The following SI variants were observed in gnomAD, a reference collection of about 807,000 sequenced individuals.
SI encodes sucrase-isomaltase, intestinal.
SI carries 235 observed loss-of-function variants against 253.3 expected under a neutral mutation model. That is an observed-to-expected ratio of 0.93 (90% CI 0.83 to 1.03). The LOEUF (loss-of-function observed/expected upper bound fraction) is 1.03, where lower values mean the gene tolerates loss of function less well. SI is among the 50% of genes least tolerant of loss of function. The pLI is 0.00. For synonymous variants in SI, 819 were observed against 712.0 expected (o/e 1.15, Z -2.39); for missense variants, 2,442 against 2,211.1 (o/e 1.10, Z -2.09).
rs574291071 is a variant in SI at position 165,062,627 on chromosome 3, G to T, written c.908-144C>A. ...ATTAAGAAATAATGAAATATTGAAT[G>T]CAGGAATAACATAGGAAAAAAGTAA... On this transcript the variant is annotated intron_variant, in intron 8 of 47. Transcript: ENST00000264382. The T allele has an allele frequency of 5.7e-4, 332 of 587,518 alleles. 11 individuals carry two copies. In the South Asian group the frequency reaches 6.9e-3, roughly 12 times the overall value. The allele number at this position is 587,518 out of a possible 1,614,324, so 36.4% of individuals were successfully genotyped here.
intron 1 of SI, 49 bp from the exon 2 acceptor site, chr3:165,076,061 A>G: frequency 8.0e-7 from 1 of 1,244,224 alleles, no homozygotes; most frequent in East Asian, 2.6e-5. Context: ...ATATAACTAT[A>G]ATAAACCACC....
chr3:165,055,857 A>C (rs993630615), intron 12 of SI, among the ~76,000 whole-genome samples: 1 of 152,122 alleles, frequency 6.6e-6, no homozygotes, highest in Admixed American at 6.6e-5. Context: ...TGAGGTAGGT[A>C]CTGTAATTAA....
In SI at chr3:165,059,226, C is replaced by T; in HGVS notation, c.1220G>A (p.Gly407Glu). ...DFTYDQVAFN[G>E]LPQFVQDLHD... is the part of the protein sequence containing the mutation. ...CAAATCTTGCACAAATTGAGGGAGT[C>T]CGTTAAACGCAACTTGATCATAAGT... Residue 407 changes from glycine to glutamate, a missense_variant, in exon 11 of 48, where the codon GGA becomes GAA. By Grantham distance (98) the Gly-to-Glu change is moderately conservative (BLOSUM62 -2). Coordinates refer to ENST00000264382, the MANE Select transcript of SI (RefSeq NM_001041.4). The T allele has an allele frequency of 6.2e-7, 1 of 1,612,692 alleles. No homozygotes were observed.
In SI at chr3:164,992,170, T is replaced by C. The variant is rs773158827; in HGVS notation, c.4983+7A>G. The C allele has an allele frequency of 6.2e-7, 1 of 1,607,482 alleles. No individual in the cohort carries two copies. Among genetic ancestry groups the C allele is most frequent in the Non-Finnish European group, 8.5e-7 (1 of 1,175,774 alleles). On this transcript the variant is annotated splice_region_variant and intron_variant, in intron 43 of 47. Coordinates refer to ENST00000264382, the MANE Select transcript of SI (RefSeq NM_001041.4). ...AGTTAATTCCCCAGAATTCCTTAAA[T>C]ACTTACTGTATGGTAGTCAAACCAC...
Position 165,015,997 on chromosome 3 carries a change from A to C in SI, c.3843T>G (p.Phe1281Leu), listed in dbSNP as rs778183835. ...IGEAFQDLPQ[F>L]VDKIRGEGMR... is the part of the protein sequence containing the mutation. ...TTCCTTCTCCTCTTATTTTGTCAAC[A>C]AACTGAGGAAGGTCCTGGAATGCTT... The change falls in exon 32 of 48, where the codon TTT becomes TTG. Residue 1281 changes from phenylalanine to leucine, a missense_variant. Transcript: ENST00000264382. The C allele has an allele frequency of 3.1e-6, 5 of 1,612,100 alleles. No homozygotes were observed. The Admixed American group carries it at 8.3e-5, about 27-fold the overall frequency.
intron 12 of SI, among the ~76,000 whole-genome samples, chr3:165,056,667 A>G (rs1194216317): frequency 6.6e-6 from 1 of 152,114 alleles, no homozygotes; most frequent in Non-Finnish European, 1.5e-5. Flanking sequence ...CCACAGCAGA[A>G]AGTACAAAGG....
rs375608223 is a variant in SI at position 165,010,958 on chromosome 3, ACT to A, written c.4063-1565_4063-1564del. Among the ~76,000 whole-genome samples the A allele has an allele frequency of 6.6e-4, 101 of 152,138 alleles. 2 individuals are homozygous for A. Among genetic ancestry groups the A allele is most frequent in the African/African-American group, 2.1e-3 (88 of 41,510 alleles). ...ATAGTTCAGTAGGTTCAATTATCTG[ACT>A]CTGTTTTAGAAGTAGTTTTGGTAAG... On this transcript the variant is annotated intron_variant, in intron 34 of 47. Coordinates refer to ENST00000264382, the MANE Select transcript of SI (RefSeq NM_001041.4).
At chr3:164,980,970 T>C (rs990029799) in intron 47 of SI, among the ~76,000 whole-genome samples, 2 of 152,014 alleles carry the variant, frequency 1.3e-5, no homozygotes, top group South Asian at 4.1e-4. Context: ...TTGTGATTGA[T>C]AACTATTGAG....
At position 165,016,077 on chromosome 3, in the gene SI, C is replaced by T; in HGVS notation, c.3763G>A (p.Val1255Ile). 2 of 1,612,634 alleles carry T rather than the reference C, an allele frequency of 1.2e-6. No individual in the cohort carries two copies. Among genetic ancestry groups the T allele is most frequent in the East Asian group, 2.2e-5 (1 of 44,766 alleles). The change falls in exon 32 of 48, where the codon GTT becomes ATT. Residue 1255 changes from valine (V) to isoleucine (I), a missense_variant. By Grantham distance (29) the Val-to-Ile change is conservative. Transcript: ENST00000264382. ...ATGTAGTCAATGTCTGTGTACTGAACATCCTGAAATATCCAAAAATTATCA... is the reference window on the plus strand; with the variant it reads ...ATGTAGTCAATGTCTGTGTACTGAATATCCTGAAATATCCAAAAATTATCA... Reference protein sequence around the residue: ...AMVAANIPYDVQYTDIDYMER... With the variant: ...AMVAANIPYDIQYTDIDYMER...
At chr3:165,025,873 C>G (rs1282540722) in intron 25 of SI, among the ~76,000 whole-genome samples, 2 of 151,244 alleles carry the variant, frequency 1.3e-5, no homozygotes, top group Non-Finnish European at 3.0e-5. Flanking sequence ...AGAAATACAT[C>G]AAAACAGAAC....
At chr3:164,990,507 A>G (rs35640635) in intron 44 of SI, among the ~76,000 whole-genome samples, 36,979 of 152,076 alleles carry the variant, frequency 0.24, 5,221 homozygotes, top group Middle Eastern at 0.34. Context: ...TTGCATTTTT[A>G]TATGTCATAG....
chr3:165,068,811 T>A lies in SI; in HGVS notation c.394A>T (p.Arg132Trp). 3 of 1,606,472 alleles carry A rather than the reference T, an allele frequency of 1.9e-6. No individual in the cohort carries two copies. The highest frequency in any genetic ancestry group is 2.5e-6 in the Non-Finnish European group (3 of 1,177,788). Residue 132 changes from arginine (R) to tryptophan (W), a missense_variant, in exon 5 of 48, where the codon AGG (arginine) becomes TGG (tryptophan). Coordinates refer to ENST00000264382, the MANE Select transcript of SI (RefSeq NM_001041.4). Reference protein sequence around the residue: ...TSIGVEAKLNRIPSPTLFGND... With the variant: ...TSIGVEAKLNWIPSPTLFGND... The stretch of plus-strand genomic sequence containing the variant: ...CCAAATAGTGTAGGTGAAGGTATCC[T>A]GTTTAATTTGGCTTCAACTCCTTAA...
At chr3:165,058,893 T>TCTCACAA in intron 12 of SI, 70 bp downstream of exon 12, 1 of 621,148 alleles carries the variant, frequency 1.6e-6, no homozygotes, top group Non-Finnish European at 2.5e-6. Flanking sequence ...CACACGCACA[T>TCTCACAA]CCACAGAAAC....
chr3:165,014,660 T>C (rs1232954454), intron 33 of SI, among the ~76,000 whole-genome samples: 1 of 152,156 alleles, frequency 6.6e-6, no homozygotes, highest in African/African-American at 2.4e-5. Context: ...ATTTTTGTAA[T>C]ATATTAATAT....
intron 25 of SI, among the ~76,000 whole-genome samples, chr3:165,026,112 C>G (rs899884783): frequency 2.6e-5 from 4 of 151,118 alleles, no homozygotes; most frequent in African/African-American, 9.7e-5. Context: ...TAAGGACTCA[C>G]ACAAACTCAA....
intron 15 of SI, 137 bp downstream of exon 15, chr3:165,048,990 A>C: frequency 1.5e-6 from 1 of 677,084 alleles, no homozygotes; most frequent in Non-Finnish European, 2.7e-6. Flanking sequence ...TGAATGCCAT[A>C]ACTTTTTAGC....
chr3:165,074,493 T>C (rs201405815), intron 3 of SI, 38 bp downstream of exon 3: 5 of 1,358,468 alleles, frequency 3.7e-6, no homozygotes, highest in Admixed American at 2.0e-5. Context: ...TAATAATGTA[T>C]ATATTCATTA....
chr3:165,012,932 A>C (rs1718835310), intron 34 of SI, 48 bp downstream of exon 34: 1 of 1,139,438 alleles, frequency 8.8e-7, no homozygotes, highest in Non-Finnish European at 1.3e-6. Context: ...AATCAAGTCT[A>C]AGTTTTGAAT....
intron 13 of SI, among the ~76,000 whole-genome samples, chr3:165,052,394 A>C (rs1713477982): frequency 6.6e-6 from 1 of 152,150 alleles, no homozygotes; most frequent in South Asian, 2.1e-4. Flanking sequence ...AATCATCTTA[A>C]GTCTATTAAA....
Sources: allele counts gnomAD v4.1 joint callset (sites outside exome capture counted in the v4.1 genomes callset), GRCh38; gene constraint gnomAD v4.1.1; transcripts MANE v1.5; gene names NCBI Gene and HGNC (gene_info 2026-07-23, HGNC 2026-07-21).